The following AKR1E2 variants were observed in gnomAD, a reference collection of about 807,000 sequenced individuals.
AKR1E2 encodes 1,5-anhydro-D-fructose reductase.
In AKR1E2, 43 loss-of-function variants were observed where a neutral mutation model predicts 41.9. That is an observed-to-expected ratio of 1.03 (90% CI 0.80 to 1.32). The LOEUF (loss-of-function observed/expected upper bound fraction) is 1.32. Among genes scored for constraint, AKR1E2 ranks in the 40% most tolerant of loss-of-function variants. The probability of loss-of-function intolerance (pLI) is 0.00; values close to 1 mark genes in which losing one functional copy is unlikely to be tolerated. For missense variants in AKR1E2, 423 were observed against 396.5 expected (o/e 1.07, Z -0.57); for synonymous variants, 121 against 138.9 (o/e 0.87, Z 0.91).
At chr10:4,866,652 T>G in the AKR1E2 span, among the ~76,000 whole-genome samples, 1 of 148,932 alleles carries the variant, frequency 6.7e-6, no homozygotes, top group South Asian at 2.2e-4. Context: ...TTTGTTTTTT[T>G]TTTTTTTTGA....
upstream of AKR1E2, among the ~76,000 whole-genome samples, chr10:4,825,780 C>T (rs996229229): frequency 1.3e-4 from 20 of 152,202 alleles, no homozygotes; most frequent in African/African-American, 4.3e-4. Context: ...GCACCCTGAC[C>T]CTAGAGCTTG....
chr10:4,852,749 T>C (rs757510824), downstream of AKR1E2, among the ~76,000 whole-genome samples: 3 of 152,200 alleles, frequency 2.0e-5, no homozygotes, highest in Non-Finnish European at 4.4e-5. Flanking sequence ...GTTGTTTTTG[T>C]TCTAAAAATA....
chr10:4,843,882 G>C (rs910192745), intron 8 of AKR1E2, among the ~76,000 whole-genome samples: 1 of 152,232 alleles, frequency 6.6e-6, no homozygotes, highest in African/African-American at 2.4e-5. Flanking sequence ...GCAGCTCTGG[G>C]TGACCAGCCA....
At chr10:4,864,426 A>G in the AKR1E2 span, among the ~76,000 whole-genome samples, 1 of 152,052 alleles carries the variant, frequency 6.6e-6, no homozygotes, top group African/African-American at 2.4e-5. Context: ...CATGCTAAAA[A>G]CTCTCAATAA....
chr10:4,839,530 G>A (rs1007526928), intron 5 of AKR1E2, among the ~76,000 whole-genome samples, 199 bp from the exon 6 acceptor site: 6 of 152,178 alleles, frequency 3.9e-5, no homozygotes, highest in African/African-American at 1.2e-4. Flanking sequence ...CCCCAAGGCC[G>A]TGGACTCAGA....
At chr10:4,841,161 T>G (rs1328777947) in intron 6 of AKR1E2, among the ~76,000 whole-genome samples, 1 of 152,106 alleles carries the variant, frequency 6.6e-6, no homozygotes, top group Non-Finnish European at 1.5e-5. Context: ...CTGGGCACTC[T>G]GTTTGGTTCC....
rs911231875 is a variant in AKR1E2 at position 4,842,595 on chromosome 10, G to A, written c.837+91G>A. On this transcript the variant is annotated intron_variant, in intron 8 of 9. Transcript: ENST00000298375. ...CTGTAGCATACAGCCTCAGGGTTGC[G>A]GAGCTTGATGCAACAGGGGCTTCTC... 1.1e-5 allele frequency: 13 copies of A among 1,137,426 alleles called. No individual in the cohort carries two copies. The African/African-American group carries it at 1.2e-4, about 11-fold the overall frequency. The allele number at this position is 1,137,426 out of a possible 1,614,324, so 70.5% of individuals were successfully genotyped here.
At chr10:4,832,528 C>A (rs948112865) in intron 2 of AKR1E2, among the ~76,000 whole-genome samples, 95 of 152,174 alleles carry the variant, frequency 6.2e-4, no homozygotes, top group South Asian at 1.0e-3. Flanking sequence ...TCGTAGTCAG[C>A]AGTGGAAATA....
rs1834447819 is a variant in AKR1E2 at position 4,848,015 on chromosome 10, T to A, written c.*485T>A. On this transcript the variant is annotated 3_prime_UTR_variant, in exon 10 of 10. Transcript: ENST00000298375. The stretch of plus-strand genomic sequence containing the variant: ...AGTGAGAAGGAAAATGGGATAAGTC[T>A]GGGACACTGTTTCAGTTCAATAAAG... 6.5e-6 allele frequency: 1 copy of A among 154,366 alleles called. No individual in the cohort carries two copies. Among genetic ancestry groups the A allele is most frequent in the African/African-American group, 2.4e-5 (1 of 41,482 alleles). 9.6% of individuals were successfully genotyped at this position (154,366 alleles called of 1,614,324 possible).
At chr10:4,847,002 T>C (rs1834383105) in intron 8 of AKR1E2, 146 bp from the exon 9 acceptor site, 1 of 830,726 alleles carries the variant, frequency 1.2e-6, no homozygotes, top group Non-Finnish European at 1.9e-6. Context: ...AGGCTGTGAT[T>C]CAGGGAAGTT....
chr10:4,861,973 G>T, the AKR1E2 span, among the ~76,000 whole-genome samples: 2 of 152,148 alleles, frequency 1.3e-5, no homozygotes, highest in African/African-American at 4.8e-5. Flanking sequence ...TGTTGCCATT[G>T]TTTTTGGTGT....
chr10:4,872,793 A>G, the AKR1E2 span, among the ~76,000 whole-genome samples: 2 of 152,236 alleles, frequency 1.3e-5, no homozygotes, highest in Non-Finnish European at 2.9e-5. Flanking sequence ...TATGGTGTGT[A>G]AGTTAGGGAT....
chr10:4,831,535 G>A (rs981852364), intron 2 of AKR1E2, among the ~76,000 whole-genome samples: 1 of 152,160 alleles, frequency 6.6e-6, no homozygotes, highest in Admixed American at 6.5e-5. Flanking sequence ...CAGTTGTCAC[G>A]AGACTTATTC....
rs74708718 is a variant in AKR1E2, at chr10:4,840,108, A to G, written c.680+282A>G. On this transcript the variant is annotated intron_variant, in intron 6 of 9. Coordinates refer to ENST00000298375, the MANE Select transcript of AKR1E2 (RefSeq NM_001040177.3). ...TGACCCCTTTGCTGAGTTCCCCACC[A>G]GGGTGTCAGCCCCCTTCTGACCTCC... is the stretch of plus-strand genomic sequence containing the variant. Among the ~76,000 whole-genome samples the G allele has an allele frequency of 9.3e-3, 1,413 of 152,210 alleles. 25 individuals are homozygous for G. The highest frequency in any genetic ancestry group is 0.033 in the African/African-American group (1,364 of 41,506).
chr10:4,827,095 A>G (rs957135858), intron 1 of AKR1E2, among the ~76,000 whole-genome samples: 2 of 147,310 alleles, frequency 1.4e-5, no homozygotes, highest in Admixed American at 6.8e-5. Flanking sequence ...AAAAAAAAAG[A>G]AAAAAGGAAA....
the AKR1E2 span, among the ~76,000 whole-genome samples, chr10:4,860,819 T>G: frequency 6.6e-6 from 1 of 152,342 alleles, no homozygotes; most frequent in Non-Finnish European, 1.5e-5. Context: ...GATTTAATGC[T>G]TTTTGACCTA....
intron 9 of AKR1E2, 44 bp from the exon 10 acceptor site, chr10:4,847,444 A>G: frequency 1.2e-6 from 2 of 1,600,816 alleles, no homozygotes; most frequent in Non-Finnish European, 1.7e-6. Context: ...TTAAAAAATA[A>G]TCATTCTTTG....
At chr10:4,845,657 C>T (rs944766932) in intron 8 of AKR1E2, 8 of 455,352 alleles carry the variant, frequency 1.8e-5, no homozygotes, top group East Asian at 7.0e-5. Context: ...GGGGCCACAT[C>T]GCCCCAGTTC....
rs376947508 is a variant in AKR1E2, at chr10:4,837,589, G to T, written c.582+8G>T. 9.3e-6 allele frequency: 15 copies of T among 1,611,840 alleles called. 1 individual carries two copies. In the African/African-American group the frequency reaches 1.3e-4, roughly 14 times the overall value. ...AAGCCACTAACCAACCAGGTAAGCC[G>T]ATGGAAGCATCAGAGAGTTTAACCT... On this transcript the variant is annotated splice_region_variant and intron_variant, in intron 5 of 9. Coordinates refer to ENST00000298375, the MANE Select transcript of AKR1E2 (RefSeq NM_001040177.3).
Sources: gnomAD v4.1 joint callset for allele counts (sites outside exome capture counted in the v4.1 genomes callset) on GRCh38, gnomAD v4.1.1 for gene constraint, MANE v1.5 for transcripts, NCBI Gene and HGNC (gene_info 2026-07-23, HGNC 2026-07-21) for gene names.